Variants in AGAP1 observed in about 807,000 individuals in gnomAD.
AGAP1 encodes the protein arf-GAP with GTPase, ANK repeat and PH domain-containing protein 1.
A neutral mutation model predicts 105.3 loss-of-function variants in AGAP1; 29 were observed. The ratio of observed to expected loss-of-function variants is 0.28; its 90% confidence interval spans 0.21 to 0.38. The LOEUF (loss-of-function observed/expected upper bound fraction) is 0.38, where lower values mean the gene tolerates loss of function less well. Among genes scored for constraint, AGAP1 ranks in the 10% least tolerant of loss-of-function variants. The pLI, the probability that AGAP1 is intolerant of heterozygous loss-of-function variation, is 1.00. For missense variants in AGAP1, 998 were observed against 1,165.1 expected, an observed-to-expected ratio of 0.86 and a Z score of 2.09; for synonymous variants, 509 against 485.9, an observed-to-expected ratio of 1.05 and a Z score of -0.63.
chr2:236,100,495 A>G (rs982619852), intron 16 of AGAP1, among the ~76,000 whole-genome samples: 13 of 152,122 alleles, frequency 8.5e-5, no homozygotes, highest in African/African-American at 3.1e-4. Context: ...GTGGGTGTAT[A>G]GATTTGACTC....
intron 1 of AGAP1, among the ~76,000 whole-genome samples, chr2:235,682,351 T>C (rs1052577455): frequency 6.6e-6 from 1 of 151,776 alleles, no homozygotes; most frequent in African/African-American, 2.4e-5. Flanking sequence ...TGTTTTGTTT[T>C]GTTTTGTTTG....
intron 12 of AGAP1, among the ~76,000 whole-genome samples, 184 bp from the exon 13 acceptor site, chr2:235,968,278 G>C (rs2054488870): frequency 6.6e-6 from 1 of 152,088 alleles, no homozygotes; most frequent in Admixed American, 6.5e-5. Context: ...AGAGCAAGGG[G>C]GACTGAGCCC....
chr2:235,979,977 GAGAT>G lies in AGAP1; in HGVS notation c.1645+11358_1645+11361del, dbSNP rs1223012536. Among the ~76,000 whole-genome samples, 4 of 152,158 alleles carry G rather than the reference GAGAT, an allele frequency of 2.6e-5. No homozygotes were observed. Among genetic ancestry groups the G allele is most frequent in the African/African-American group, 4.8e-5 (2 of 41,422 alleles). On this transcript the variant is annotated intron_variant, in intron 13 of 17. Transcript: ENST00000304032. This position sits in a 1 kb window ranked among gnomAD's most constrained non-coding sequence, Gnocchi z 4.5. ...CATGCAGTAAAATACAAAAAAAAGA[GAGAT>G]AGAGAAAGCAGGGGAGCTTGTGAAG... is the stretch of plus-strand genomic sequence containing the variant.
chr2:235,859,915 C>T (rs185135082), intron 9 of AGAP1, among the ~76,000 whole-genome samples: 5 of 152,322 alleles, frequency 3.3e-5, no homozygotes, highest in Admixed American at 6.5e-5. Flanking sequence ...CGCCTTCCAC[C>T]AGCAAGCAGA....
chr2:235,988,064 CAA>C lies in AGAP1; in HGVS notation c.1645+19442_1645+19443del, dbSNP rs2055396623. The stretch of plus-strand genomic sequence containing the variant: ...GTTTGTTCTGTTTTGTTTTTTGAAA[CAA>C]GAGTCTCACTCTGTTGCCCAGGCTG... On this transcript the variant is annotated intron_variant, in intron 13 of 17. Transcript: ENST00000304032. The surrounding 1 kb of genome is among the most constrained non-coding windows in gnomAD (Gnocchi z 4.7). Among the ~76,000 whole-genome samples, 1 of 152,124 alleles carries C rather than the reference CAA, an allele frequency of 6.6e-6. No individual in the cohort carries two copies. The highest frequency in any genetic ancestry group is 6.5e-5 in the Admixed American group (1 of 15,278).
rs1442780781 is a variant in AGAP1 at position 236,078,154 on chromosome 2, G to A, written c.2114+28873G>A. Among the ~76,000 whole-genome samples, 1 of 150,946 alleles carries A rather than the reference G, an allele frequency of 6.6e-6. No individual in the cohort carries two copies. Among genetic ancestry groups the A allele is most frequent in the Non-Finnish European group, 1.5e-5 (1 of 67,846 alleles). ...GAAGTGTGTAGGGCAGGCCAGCCGG[G>A]GGTGTGTGTGTGTGTGTGTGTATAT... On this transcript the variant is annotated intron_variant, in intron 16 of 17. Transcript: ENST00000304032. The surrounding 1 kb of genome is among the most constrained non-coding windows in gnomAD (Gnocchi z 5.3).
chr2:235,907,736 T>C (rs2051376615), intron 10 of AGAP1, among the ~76,000 whole-genome samples: 1 of 152,222 alleles, frequency 6.6e-6, no homozygotes, highest in Non-Finnish European at 1.5e-5. Context: ...AGTATTTATA[T>C]ATAACCTGCA....
In AGAP1 at chr2:236,092,870, G is replaced by T. The variant is rs1270866802; in HGVS notation, c.2115-27322G>T. Among the ~76,000 whole-genome samples the T allele has an allele frequency of 2.6e-5, 4 of 152,204 alleles. No homozygotes were observed. Among genetic ancestry groups the T allele is most frequent in the Admixed American group, 2.6e-4 (4 of 15,286 alleles). Reference sequence around the variant, plus strand: ...GGGAATGGCCCTGGAGCATCCTGCTGTGCCAGAAAGAAAGCACAGAGCTAC... The same window carrying T: ...GGGAATGGCCCTGGAGCATCCTGCTTTGCCAGAAAGAAAGCACAGAGCTAC... On this transcript the variant is annotated intron_variant, in intron 16 of 17. Transcript: ENST00000304032. This position sits in a 1 kb window ranked among gnomAD's most constrained non-coding sequence, Gnocchi z 4.7.
At chr2:235,673,194 G>A (rs1025472562) in intron 1 of AGAP1, among the ~76,000 whole-genome samples, 2 of 152,214 alleles carry the variant, frequency 1.3e-5, no homozygotes, top group African/African-American at 2.4e-5. Context: ...GGTAAAAGGT[G>A]TAGCCCCCAT....
chr2:235,692,650 C>T lies in AGAP1; in HGVS notation c.164-16529C>T, dbSNP rs1285631319. The stretch of plus-strand genomic sequence containing the variant: ...CCAGTGGGTTCCCCTCGCTGACCCT[C>T]AGCCCTCAGGCCCAGCACCTCAGAG... On this transcript the variant is annotated intron_variant, in intron 1 of 17. Transcript: ENST00000304032. This position sits in a 1 kb window ranked among gnomAD's most constrained non-coding sequence, Gnocchi z 5.8. Among the ~76,000 whole-genome samples the T allele has an allele frequency of 6.6e-6, 1 of 152,136 alleles. No homozygotes were observed. The highest frequency in any genetic ancestry group is 2.4e-5 in the African/African-American group (1 of 41,420).
At position 235,721,715 on chromosome 2, in the gene AGAP1, C is replaced by G. The variant is rs1951396797; in HGVS notation, c.310+4071C>G. ...TCTGATTTAATTAGTGTGTGCATAT[C>G]CTTTATATTCTAATCCTGACCCATG... On this transcript the variant is annotated intron_variant, in intron 3 of 17. Coordinates refer to ENST00000304032, the MANE Select transcript of AGAP1 (RefSeq NM_001037131.3). The surrounding 1 kb of genome is among the most constrained non-coding windows in gnomAD (Gnocchi z 4.5). Among the ~76,000 whole-genome samples, 1 of 152,134 alleles carries G rather than the reference C, an allele frequency of 6.6e-6. No individual in the cohort carries two copies. Among genetic ancestry groups the G allele is most frequent in the African/African-American group, 2.4e-5 (1 of 41,414 alleles).
Position 236,003,972 on chromosome 2 carries a change from T to A in AGAP1, c.1646-32589T>A, listed in dbSNP as rs1181530421. 6.6e-6 allele frequency among the ~76,000 whole-genome samples: 1 copy of A among 152,164 alleles called. No homozygotes were observed. Among genetic ancestry groups the A allele is most frequent in the East Asian group, 1.9e-4 (1 of 5,190 alleles). ...TGTGGAATGGGCGGTTTAGTATTCC[T>A]TTTTCTGGCAACTCACTTAGGGCTT... On this transcript the variant is annotated intron_variant, in intron 13 of 17. Coordinates refer to ENST00000304032, the MANE Select transcript of AGAP1 (RefSeq NM_001037131.3). The surrounding 1 kb of genome is among the most constrained non-coding windows in gnomAD (Gnocchi z 4.2).
intron 13 of AGAP1, among the ~76,000 whole-genome samples, chr2:236,017,330 T>G (rs568531981): frequency 1.6e-3 from 240 of 151,910 alleles, no homozygotes; most frequent in Non-Finnish European, 2.5e-3. Flanking sequence ...ATTTATAAAA[T>G]TATATAAAAT....
In AGAP1 at chr2:235,883,273, G is replaced by A. The variant is rs1186802052; in HGVS notation, c.1051-72G>A. The A allele has an allele frequency of 2.3e-6, 3 of 1,308,182 alleles. No individual in the cohort carries two copies. Among genetic ancestry groups the A allele is most frequent in the Non-Finnish European group, 2.2e-6 (2 of 911,118 alleles). 81.0% of individuals were successfully genotyped at this position (1,308,182 alleles called of 1,614,324 possible). A position where few individuals can be genotyped will look rare whatever the true frequency, so the allele number is the denominator to read the frequency against. On this transcript the variant is annotated intron_variant, in intron 9 of 17. Coordinates refer to ENST00000304032, the MANE Select transcript of AGAP1 (RefSeq NM_001037131.3). The surrounding 1 kb of genome is among the most constrained non-coding windows in gnomAD (Gnocchi z 4.5). ...ACACACACAGAACTTGAATGTATATGTTGCCTGTGTACCTGCCTTTTCTTT... is the reference window on the plus strand; with the variant it reads ...ACACACACAGAACTTGAATGTATATATTGCCTGTGTACCTGCCTTTTCTTT...
chr2:235,675,067 G>A (rs1948652871), intron 1 of AGAP1, among the ~76,000 whole-genome samples: 1 of 151,860 alleles, frequency 6.6e-6, no homozygotes. Context: ...CTTCAGTGGA[G>A]AACGTGAGGA....
chr2:236,093,471 C>T (rs1232196093), intron 16 of AGAP1, among the ~76,000 whole-genome samples: 3 of 152,080 alleles, frequency 2.0e-5, no homozygotes, highest in Admixed American at 6.6e-5. Context: ...ATATTTTGAC[C>T]CAAATGGAAT....
rs1944659481 is a variant in AGAP1, at chr2:235,574,091, T to A, written c.163+79242T>A. On this transcript the variant is annotated intron_variant, in intron 1 of 17. Coordinates refer to ENST00000304032, the MANE Select transcript of AGAP1 (RefSeq NM_001037131.3). This position sits in a 1 kb window ranked among gnomAD's most constrained non-coding sequence, Gnocchi z 5.0. ...GCCTTGGGGCCTGTCCTATCTGAGGTCCACAGCCTGCAGGGACATCACCTA... is the reference window on the plus strand; with the variant it reads ...GCCTTGGGGCCTGTCCTATCTGAGGACCACAGCCTGCAGGGACATCACCTA... 1.3e-5 allele frequency among the ~76,000 whole-genome samples: 2 copies of A among 152,102 alleles called. No homozygotes were observed. The highest frequency in any genetic ancestry group is 2.9e-5 in the Non-Finnish European group (2 of 68,006).
chr2:235,841,885 G>A (rs890645401), intron 9 of AGAP1, among the ~76,000 whole-genome samples: 11 of 151,548 alleles, frequency 7.3e-5, no homozygotes, highest in Admixed American at 2.0e-4. Context: ...TTCCTCACCC[G>A]TATCCTGCTG....
Position 235,689,884 on chromosome 2 carries a change from A to G in AGAP1, c.164-19295A>G, listed in dbSNP as rs1162066043. Among the ~76,000 whole-genome samples the G allele has an allele frequency of 2.0e-5, 3 of 152,010 alleles. No individual in the cohort carries two copies. Among genetic ancestry groups the G allele is most frequent in the South Asian group, 4.2e-4 (2 of 4,814 alleles). On this transcript the variant is annotated intron_variant, in intron 1 of 17. Transcript: ENST00000304032. This position sits in a 1 kb window ranked among gnomAD's most constrained non-coding sequence, Gnocchi z 4.2. ...CTCCTTTCCAGGAGTTTCTGTGTGC[A>G]TGATGCACTTCAGAACCTATAGTGT...
Sources: gnomAD v4.1 joint callset for allele counts (sites outside exome capture counted in the v4.1 genomes callset) on GRCh38, gnomAD v4.1.1 for gene constraint, Gnocchi (gnomAD v3.1) non-coding constraint, MANE v1.5 for transcripts, NCBI Gene and HGNC (gene_info 2026-07-23, HGNC 2026-07-21) for gene names.